MTX2: variants seen among roughly 807,000 people sequenced by gnomAD.
MTX2 encodes the protein metaxin 2, also known as metaxin-2.
Under a neutral mutation model 42.3 loss-of-function variants are expected in MTX2, and 35 were observed. The ratio of observed to expected loss-of-function variants is 0.83; its 90% CI spans 0.63 to 1.10. The LOEUF (loss-of-function observed/expected upper bound fraction) is 1.10, where lower values mean the gene tolerates loss of function less well. Among genes scored for constraint, MTX2 ranks in the 50% least tolerant of loss-of-function variants. MTX2 has a pLI of 0.00. For synonymous variants in MTX2, 119 were observed against 100.9 expected (o/e 1.18, Z -1.08); for missense variants, 307 against 304.1 (o/e 1.01, Z -0.07).
At chr2:176,313,312 C>T (rs116438591) in intron 3 of MTX2, among the ~76,000 whole-genome samples, 2,007 of 151,436 alleles carry the variant, frequency 0.013, 38 homozygotes, top group African/African-American at 0.046. Flanking sequence ...CAAGCTAACA[C>T]AGTTCCCAGG....
At chr2:176,289,033 G>T (rs2105405882) in intron 1 of MTX2, among the ~76,000 whole-genome samples, 1 of 152,052 alleles carries the variant, frequency 6.6e-6, no homozygotes, top group Non-Finnish European at 1.5e-5. Context: ...AAGTCTTTAA[G>T]AGACTTACGG....
At chr2:176,332,247 A>G (rs1037975825) in intron 9 of MTX2, among the ~76,000 whole-genome samples, 1 of 151,404 alleles carries the variant, frequency 6.6e-6, no homozygotes, top group African/African-American at 2.4e-5. Context: ...AATTAATACT[A>G]AAATGCAAAT....
intron 1 of MTX2, among the ~76,000 whole-genome samples, chr2:176,274,843 T>C (rs1692909655): frequency 6.6e-6 from 1 of 152,124 alleles, no homozygotes; most frequent in African/African-American, 2.4e-5. Flanking sequence ...ATCAGCAGAA[T>C]CTCTTTATGG....
chr2:176,295,398 A>G (rs564525302), intron 1 of MTX2, among the ~76,000 whole-genome samples: 1 of 152,086 alleles, frequency 6.6e-6, no homozygotes, highest in Non-Finnish European at 1.5e-5. Context: ...GTTTCCTTTT[A>G]TTTAAAAAAC....
intron 3 of MTX2, among the ~76,000 whole-genome samples, chr2:176,320,703 T>C (rs1350864571): frequency 1.3e-5 from 2 of 151,498 alleles, no homozygotes; most frequent in Non-Finnish European, 2.9e-5. Context: ...TTCTTTTTTT[T>C]TTTTTTTTTG....
intron 3 of MTX2, among the ~76,000 whole-genome samples, chr2:176,317,304 A>T (rs892865888): frequency 6.6e-6 from 1 of 151,908 alleles, no homozygotes; most frequent in African/African-American, 2.4e-5. Context: ...ACTTGTACAT[A>T]CCTTATAGGG....
At chr2:176,313,017 A>G (rs1684353536) in intron 3 of MTX2, among the ~76,000 whole-genome samples, 1 of 151,934 alleles carries the variant, frequency 6.6e-6, no homozygotes, top group African/African-American at 2.4e-5. Flanking sequence ...GTACATAATA[A>G]TTATTTTAAT....
At chr2:176,323,652 A>G (rs547512913) in intron 4 of MTX2, among the ~76,000 whole-genome samples, 188 bp downstream of exon 4, 1 of 151,842 alleles carries the variant, frequency 6.6e-6, no homozygotes, top group East Asian at 1.9e-4. Context: ...TATTCATTTC[A>G]ACTGTGATCA....
At chr2:176,297,458 C>T (rs555592885) in intron 2 of MTX2, among the ~76,000 whole-genome samples, 39 of 152,214 alleles carry the variant, frequency 2.6e-4, no homozygotes, top group Admixed American at 5.9e-4. Flanking sequence ...TTTTGTGTGA[C>T]GGACCTAGAC....
At chr2:176,301,829 G>A (rs180814535) in intron 3 of MTX2, among the ~76,000 whole-genome samples, 12 of 152,142 alleles carry the variant, frequency 7.9e-5, no homozygotes. Flanking sequence ...TCTTTGAAAT[G>A]GGATAAAGAT....
intron 9 of MTX2, among the ~76,000 whole-genome samples, chr2:176,331,088 T>C (rs13395412): frequency 0.013 from 2,027 of 151,314 alleles, 38 homozygotes; most frequent in African/African-American, 0.047. Flanking sequence ...TTAAAAAATA[T>C]TGTTTGATGG....
In MTX2 at chr2:176,328,316, G is replaced by A. The variant is rs562871440; in HGVS notation, c.309G>A (p.Leu103=). 4.4e-6 allele frequency: 7 copies of A among 1,588,114 alleles called. No homozygotes were observed. The highest frequency in any genetic ancestry group is 5.1e-6 in the Non-Finnish European group (6 of 1,167,910). The change falls in exon 6 of 10, where the codon CTG becomes CTA. Residue 103 remains leucine (L), a synonymous_variant. Transcript: ENST00000249442. ...KAKGHSLSDG[L]EEVQKAEMKA... Reference sequence around the variant, plus strand: ...AGGGCCATTCTCTTAGTGATGGGCTGGAGGAAGTCCAAAAAGCAGAAATGA... The same window carrying A: ...AGGGCCATTCTCTTAGTGATGGGCTAGAGGAAGTCCAAAAAGCAGAAATGA...
intron 3 of MTX2, among the ~76,000 whole-genome samples, chr2:176,310,152 C>T (rs530528302): frequency 1.3e-5 from 2 of 151,964 alleles, no homozygotes; most frequent in Non-Finnish European, 2.9e-5. Context: ...TTTTATTTCT[C>T]CTTCACTTAT....
At chr2:176,327,697 AT>A in intron 5 of MTX2, among the ~76,000 whole-genome samples, 1 of 150,282 alleles carries the variant, frequency 6.7e-6, no homozygotes. Context: ...ACTAAGATAA[AT>A]TTTCTTATAT....
rs1575062799 is a variant in MTX2, at chr2:176,330,438, G to T, written c.544-146G>T. ...TATAGAAAGTATTATATATATATGT[G>T]GTCTATGGTCTTATTAAAATATATT... On this transcript the variant is annotated intron_variant, in intron 8 of 9. Transcript: ENST00000249442. The T allele has an allele frequency of 7.3e-6, 3 of 412,776 alleles. No individual in the cohort carries two copies. The South Asian group carries it at 1.8e-4, about 25-fold the overall frequency. 25.6% of individuals were successfully genotyped at this position (412,776 alleles called of 1,614,324 possible).
At chr2:176,293,449 T>C (rs1693370464) in intron 1 of MTX2, among the ~76,000 whole-genome samples, 1 of 152,194 alleles carries the variant, frequency 6.6e-6, no homozygotes, top group African/African-American at 2.4e-5. Flanking sequence ...ATCCCCGTTG[T>C]TGGAGGTGGG....
chr2:176,284,659 A>G (rs1490391156), intron 1 of MTX2, among the ~76,000 whole-genome samples: 5 of 152,262 alleles, frequency 3.3e-5, no homozygotes, highest in African/African-American at 1.2e-4. Flanking sequence ...ACATGTTACT[A>G]AGGCATGTTT....
chr2:176,271,158 T>C (rs1415316555), intron 1 of MTX2, among the ~76,000 whole-genome samples: 1 of 152,188 alleles, frequency 6.6e-6, no homozygotes, highest in East Asian at 1.9e-4. Flanking sequence ...TTTGTAGTGA[T>C]CTGTTACTCT....
intron 1 of MTX2, among the ~76,000 whole-genome samples, chr2:176,278,074 G>A (rs889458726): frequency 9.2e-4 from 95 of 103,208 alleles, no homozygotes; most frequent in African/African-American, 3.5e-3. Context: ...TTTTTGAGAT[G>A]GAGTCTTGCT....
Sources: allele counts gnomAD v4.1 joint callset (sites outside exome capture counted in the v4.1 genomes callset), GRCh38; gene constraint gnomAD v4.1.1; transcripts MANE v1.5; gene names NCBI Gene and HGNC (gene_info 2026-07-23, HGNC 2026-07-21).